The following OSBPL8 variants were observed in gnomAD, a reference collection of about 807,000 sequenced individuals.
OSBPL8 encodes oxysterol binding protein like 8.
OSBPL8 carries 59 observed loss-of-function variants against 125.5 expected under a neutral mutation model. The observed-to-expected ratio is 0.47, with a 90% CI of 0.38 to 0.58. The LOEUF is 0.58. OSBPL8 is among the 20% of genes least tolerant of loss of function. The pLI is 0.00. For synonymous variants in OSBPL8, 330 were observed against 338.9 expected (o/e 0.97, Z 0.29); for missense variants, 758 against 1,047.8 (o/e 0.72, Z 3.82).
intron 4 of OSBPL8, among the ~76,000 whole-genome samples, chr12:76,450,629 C>T (rs979651655): frequency 4.1e-4 from 62 of 151,576 alleles, no homozygotes; most frequent in African/African-American, 1.3e-3. Context: ...ATATAACTAA[C>T]GAAGTATGTT....
chr12:76,455,199 C>A (rs575692374), intron 3 of OSBPL8, among the ~76,000 whole-genome samples: 1 of 151,664 alleles, frequency 6.6e-6, no homozygotes, highest in East Asian at 1.9e-4. Flanking sequence ...GCCGAGATTG[C>A]ACCACTGCAC....
intron 4 of OSBPL8, among the ~76,000 whole-genome samples, chr12:76,430,222 A>G (rs1451293487): frequency 2.0e-5 from 3 of 151,928 alleles, no homozygotes; most frequent in South Asian, 4.2e-4. Flanking sequence ...TCATGATTTC[A>G]CCCCTGCTGA....
At chr12:76,525,834 A>C (rs1262716920) in intron 1 of OSBPL8, among the ~76,000 whole-genome samples, 1 of 152,250 alleles carries the variant, frequency 6.6e-6, no homozygotes, top group African/African-American at 2.4e-5. Flanking sequence ...TGTAATGTAC[A>C]AAGAACCCAT....
chr12:76,407,047 C>T (rs1173665277), intron 5 of OSBPL8, among the ~76,000 whole-genome samples: 1 of 152,064 alleles, frequency 6.6e-6, no homozygotes, highest in African/African-American at 2.4e-5. Flanking sequence ...ATATTTTTTG[C>T]ATCAAGTTGG....
rs1262235772 is a variant in OSBPL8 at position 76,528,855 on chromosome 12, A to AAAAAAT, written c.-68+30536_-68+30541dup. Among the ~76,000 whole-genome samples the AAAAAAT allele has an allele frequency of 1.4e-3, 219 of 151,934 alleles. 1 individual carries two copies. The highest frequency in any genetic ancestry group is 5.1e-3 in the African/African-American group (212 of 41,546). On this transcript the variant is annotated intron_variant, in intron 1 of 23. Coordinates refer to ENST00000261183, the MANE Select transcript of OSBPL8 (RefSeq NM_020841.5). ...GACAACAGAGGGAGACCCTGTCTCA[A>AAAAAAT]AAAAATAAAAATAAAAATAAGTAAA...
At chr12:76,487,854 T>C (rs904510924) in intron 1 of OSBPL8, among the ~76,000 whole-genome samples, 6 of 152,136 alleles carry the variant, frequency 3.9e-5, no homozygotes, top group African/African-American at 1.4e-4. Context: ...AACATGAGAC[T>C]GCCTAAAATT....
At chr12:76,539,025 C>T (rs1414073093) in intron 1 of OSBPL8, among the ~76,000 whole-genome samples, 1 of 115,770 alleles carries the variant, frequency 8.6e-6, no homozygotes, top group Non-Finnish European at 1.6e-5. Context: ...AATGAGAAGT[C>T]CTAAGAGCCT....
At chr12:76,441,988 C>A (rs1346348780) in intron 4 of OSBPL8, among the ~76,000 whole-genome samples, 1 of 152,092 alleles carries the variant, frequency 6.6e-6, no homozygotes, top group Non-Finnish European at 1.5e-5. Flanking sequence ...AAATACATAA[C>A]ATATTTTCCA....
chr12:76,416,823 G>A (rs188565352), intron 4 of OSBPL8, among the ~76,000 whole-genome samples: 1 of 151,836 alleles, frequency 6.6e-6, no homozygotes, highest in African/African-American at 2.4e-5. Flanking sequence ...ATCTTATTTT[G>A]GACTTTCTAT....
intron 6 of OSBPL8, among the ~76,000 whole-genome samples, chr12:76,401,031 C>T (rs376746234): frequency 6.4e-4 from 97 of 152,090 alleles, no homozygotes; most frequent in Admixed American, 2.0e-3. Flanking sequence ...TCAAGTGATC[C>T]GCCCGCCTCT....
chr12:76,371,659 G>A (rs531249735), intron 18 of OSBPL8, 75 bp from the exon 19 acceptor site: 84 of 1,210,988 alleles, frequency 6.9e-5, no homozygotes, highest in African/African-American at 6.0e-4. Flanking sequence ...GTAATATGAC[G>A]GTGATAATTT....
At chr12:76,446,396 A>C (rs1489846437) in intron 4 of OSBPL8, among the ~76,000 whole-genome samples, 1 of 152,214 alleles carries the variant, frequency 6.6e-6, no homozygotes, top group Non-Finnish European at 1.5e-5. Context: ...AAACCAGAGG[A>C]AGGTATTTTG....
At chr12:76,513,858 T>A (rs1881263181) in intron 1 of OSBPL8, among the ~76,000 whole-genome samples, 1 of 150,486 alleles carries the variant, frequency 6.6e-6, no homozygotes, top group Non-Finnish European at 1.5e-5. Flanking sequence ...GAAGACAGCA[T>A]AGCACTGGGT....
chr12:76,380,196 C>A (rs1952984136), intron 15 of OSBPL8, among the ~76,000 whole-genome samples: 1 of 152,164 alleles, frequency 6.6e-6, no homozygotes, highest in Non-Finnish European at 1.5e-5. Context: ...TAGGATTGCA[C>A]TGAGTCTATG....
At position 76,353,295 on chromosome 12, in the gene OSBPL8, G is replaced by A. The variant is rs950618433; in HGVS notation, c.*2594C>T. The A allele has an allele frequency of 7.9e-5, 7 of 88,586 alleles. No homozygotes were observed. Among genetic ancestry groups the A allele is most frequent in the Admixed American group, 5.1e-4 (3 of 5,884 alleles). The allele number at this position is 88,586 out of a possible 1,614,324, so 5.5% of individuals were successfully genotyped here. On this transcript the variant is annotated 3_prime_UTR_variant, in exon 24 of 24. Coordinates refer to ENST00000261183, the MANE Select transcript of OSBPL8 (RefSeq NM_020841.5). ...TAACATTTCACATGCCCTATTTATT[G>A]TTGTTGTTTTTTTTTTTTTTTTACA...
chr12:76,397,554 G>C, intron 8 of OSBPL8, 140 bp downstream of exon 8: 1 of 854,952 alleles, frequency 1.2e-6, no homozygotes, highest in Non-Finnish European at 1.8e-6. Context: ...GGTAGAGGCA[G>C]AATGGGGGAA....
chr12:76,480,143 G>T lies in OSBPL8; in HGVS notation c.42+7367C>A, dbSNP rs537269456. On this transcript the variant is annotated intron_variant, in intron 2 of 23. Transcript: ENST00000261183. ...GATCGCACCATTGCACTCCAGCCTG[G>T]GCAACAAGAGTGAAACTCCATCTCA... is the stretch of plus-strand genomic sequence containing the variant. 3.7e-5 allele frequency among the ~76,000 whole-genome samples: 5 copies of T among 136,610 alleles called. No homozygotes were observed. The South Asian group carries it at 1.2e-3, about 31-fold the overall frequency. 89.6% of individuals were successfully genotyped at this position (136,610 alleles called of 152,430 possible). A position where few individuals can be genotyped will look rare whatever the true frequency, so the allele number is the denominator to read the frequency against.
At chr12:76,554,839 ACT>A (rs1235102173) in intron 1 of OSBPL8, among the ~76,000 whole-genome samples, 18 of 152,014 alleles carry the variant, frequency 1.2e-4, no homozygotes, top group Non-Finnish European at 2.2e-4. Flanking sequence ...TCATTTGATG[ACT>A]CTTCTTAGTC....
rs766106893 is a variant in OSBPL8, at chr12:76,467,104, AATGTATGTATCAGTCTTCTTT to A, written c.43-7230_43-7210del. The stretch of plus-strand genomic sequence containing the variant: ...CTTTATGTATTTAAAGTCTTCTTTA[AATGTATGTATCAGTCTTCTTT>A]ATGTATGTATCAGTCTTCTCATGTA... On this transcript the variant is annotated intron_variant, in intron 2 of 23. Transcript: ENST00000261183. 2.7e-3 allele frequency among the ~76,000 whole-genome samples: 406 copies of A among 152,192 alleles called. 1 individual carries two copies. Among genetic ancestry groups the A allele is most frequent in the Non-Finnish European group, 2.0e-3 (133 of 68,012 alleles).
Sources: gnomAD v4.1 joint callset for allele counts (sites outside exome capture counted in the v4.1 genomes callset) on GRCh38, gnomAD v4.1.1 for gene constraint, MANE v1.5 for transcripts, NCBI Gene and HGNC (gene_info 2026-07-23, HGNC 2026-07-21) for gene names.